ANKRD36B: variants seen among roughly 807,000 people sequenced by gnomAD.
ANKRD36B encodes the protein ankyrin repeat domain 36B, also known as ankyrin repeat domain-containing protein 36B.
ANKRD36B carries 37 observed loss-of-function variants against 135.7 expected under a neutral mutation model. The ratio of observed to expected loss-of-function variants is 0.27; its 90% CI spans 0.21 to 0.36. The LOEUF (loss-of-function observed/expected upper bound fraction) is 0.36, where lower values mean the gene tolerates loss of function less well. Ranked by LOEUF, ANKRD36B falls within the 10% of genes least tolerant of loss-of-function variation. ANKRD36B has a pLI of 1.00. For missense variants in ANKRD36B, 549 were observed against 1,037.1 expected (o/e 0.53, Z 6.46); for synonymous variants, 179 against 348.1 (o/e 0.51, Z 5.41).
chr2:97,579,137 G>A lies in ANKRD36B; in HGVS notation c.558-94C>T, dbSNP rs186570513. 9.3e-3 allele frequency: 11,936 copies of A among 1,287,548 alleles called. 113 individuals are homozygous for A. The highest frequency in any genetic ancestry group is 0.012 in the Non-Finnish European group (11,128 of 941,108). The allele number at this position is 1,287,548 out of a possible 1,614,324, so 79.8% of individuals were successfully genotyped here. A position where few individuals can be genotyped will look rare whatever the true frequency, so the allele number is the denominator to read the frequency against. ...ACTTAACATGTTGCCTGTCCATGTA[G>A]AATTAACCCAATTACATGTACTAAG... On this transcript the variant is annotated intron_variant, in intron 4 of 43. Coordinates refer to ENST00000359901, the MANE Select transcript of ANKRD36B (RefSeq NM_001393939.1).
Position 97,589,588 on chromosome 2 carries a change from A to G in ANKRD36B, c.98T>C (p.Leu33Pro). The change falls in exon 1 of 44, where the codon CTG (leucine) becomes CCG (proline). Residue 33 changes from leucine (L) to proline (P), a missense_variant. Coordinates refer to ENST00000359901, the MANE Select transcript of ANKRD36B (RefSeq NM_001393939.1). ...GAGCAGAAGGTACTTCAGTTTCTCCAGATTACCACGTAAGACAGCTCTGTG... is the reference window on the plus strand; with the variant it reads ...GAGCAGAAGGTACTTCAGTTTCTCCGGATTACCACGTAAGACAGCTCTGTG... ...RIHRAVLRGN[L>P]EKLKYLLLTY... 1 of 1,613,736 alleles carries G rather than the reference A, an allele frequency of 6.2e-7. No individual in the cohort carries two copies. The highest frequency in any genetic ancestry group is 8.5e-7 in the Non-Finnish European group (1 of 1,179,856).
intron 6 of ANKRD36B, among the ~76,000 whole-genome samples, chr2:97,562,240 A>G (rs2081090684): frequency 6.6e-6 from 1 of 151,844 alleles, no homozygotes; most frequent in Non-Finnish European, 1.5e-5. Flanking sequence ...CCAATATGAC[A>G]TAATACATAT....
chr2:97,537,954 T>C lies in ANKRD36B; in HGVS notation c.2089+214A>G, dbSNP rs2078972288. Among the ~76,000 whole-genome samples the C allele has an allele frequency of 4.1e-5, 4 of 96,436 alleles. 2 individuals carry two copies. Among genetic ancestry groups the C allele is most frequent in the Non-Finnish European group, 1.1e-4 (4 of 36,300 alleles). 63.3% of individuals were successfully genotyped at this position (96,436 alleles called of 152,430 possible). A position where few individuals can be genotyped will look rare whatever the true frequency, so the allele number is the denominator to read the frequency against. On this transcript the variant is annotated intron_variant, in intron 32 of 43. Transcript: ENST00000359901. ...GTTTTCCAACGGTTCTTCTACACAATTTCAATGTAGGGAAGTCTATAAGCT... is the reference window on the plus strand; with the variant it reads ...GTTTTCCAACGGTTCTTCTACACAACTTCAATGTAGGGAAGTCTATAAGCT...
At chr2:97,574,806 T>A (rs1347037234) in intron 6 of ANKRD36B, among the ~76,000 whole-genome samples, 1 of 151,988 alleles carries the variant, frequency 6.6e-6, no homozygotes, top group East Asian at 1.9e-4. Flanking sequence ...CCACAGTTTT[T>A]CTCACACATT....
intron 4 of ANKRD36B, among the ~76,000 whole-genome samples, chr2:97,579,646 A>G (rs1228239515): frequency 5.4e-5 from 2 of 37,354 alleles, no homozygotes; most frequent in Admixed American, 4.4e-4. Flanking sequence ...TATAATATAT[A>G]GTATATTATA....
At chr2:97,563,013 T>C (rs2081164118) in intron 6 of ANKRD36B, among the ~76,000 whole-genome samples, 2 of 151,992 alleles carry the variant, frequency 1.3e-5, no homozygotes, top group African/African-American at 4.8e-5. Flanking sequence ...CAGCAGACAG[T>C]ACTGAGCAAT....
At chr2:97,549,186 TC>T (rs1416199354) in intron 20 of ANKRD36B, among the ~76,000 whole-genome samples, 3 of 151,900 alleles carry the variant, frequency 2.0e-5, no homozygotes, top group Non-Finnish European at 2.9e-5. Flanking sequence ...CCATATATCT[TC>T]TTCCCAACTT....
chr2:97,564,152 C>G (rs1299978809), intron 6 of ANKRD36B, among the ~76,000 whole-genome samples: 1 of 151,194 alleles, frequency 6.6e-6, no homozygotes, highest in Non-Finnish European at 1.5e-5. Flanking sequence ...TGGGTGATTT[C>G]TTTTGCTTTT....
intron 6 of ANKRD36B, among the ~76,000 whole-genome samples, chr2:97,570,875 T>C (rs978340833): frequency 1.1e-4 from 17 of 152,164 alleles, no homozygotes; most frequent in African/African-American, 2.4e-5. Flanking sequence ...TTATATGAAA[T>C]TAGTTTTCTT....
intron 5 of ANKRD36B, among the ~76,000 whole-genome samples, chr2:97,577,358 T>C (rs909933397): frequency 8.1e-6 from 1 of 123,116 alleles, no homozygotes; most frequent in African/African-American, 3.0e-5. Context: ...CCAAGATACA[T>C]ACTAACAAAA....
chr2:97,580,807 G>T lies in ANKRD36B; in HGVS notation c.451-239C>A, dbSNP rs561110814. 5.2e-4 allele frequency among the ~76,000 whole-genome samples: 57 copies of T among 110,478 alleles called. 1 individual carries two copies. In the South Asian group the frequency reaches 0.02, roughly 39 times the overall value. 72.5% of individuals were successfully genotyped at this position (110,478 alleles called of 152,430 possible). A position where few individuals can be genotyped will look rare whatever the true frequency, so the allele number is the denominator to read the frequency against. ...CAAAACTCACTTCAAACATTTCCCAGTTCCAAGAATCTTTGCTTCTGTCCC... is the reference window on the plus strand; with the variant it reads ...CAAAACTCACTTCAAACATTTCCCATTTCCAAGAATCTTTGCTTCTGTCCC... On this transcript the variant is annotated intron_variant, in intron 3 of 43. Transcript: ENST00000359901.
chr2:97,563,200 T>C (rs1425505148), intron 6 of ANKRD36B, among the ~76,000 whole-genome samples: 5 of 151,914 alleles, frequency 3.3e-5, no homozygotes, highest in Non-Finnish European at 5.9e-5. Flanking sequence ...AGTCTCTCCT[T>C]GATGCACCAA....
At chr2:97,547,930 CTT>C (rs2079639925) in intron 20 of ANKRD36B, among the ~76,000 whole-genome samples, 199 bp from the exon 21 acceptor site, 1 of 151,868 alleles carries the variant, frequency 6.6e-6, no homozygotes, top group East Asian at 2.0e-4. Flanking sequence ...GAAAAATACT[CTT>C]ATAATTTCAA....
At chr2:97,573,235 A>G in intron 6 of ANKRD36B, among the ~76,000 whole-genome samples, 1 of 152,196 alleles carries the variant, frequency 6.6e-6, no homozygotes, top group East Asian at 1.9e-4. Context: ...CCTACAAAGG[A>G]CATGAACTCA....
chr2:97,566,742 C>T (rs371639028), intron 6 of ANKRD36B, among the ~76,000 whole-genome samples: 1 of 152,006 alleles, frequency 6.6e-6, no homozygotes, highest in Admixed American at 6.6e-5. Context: ...ACAGCAGTCC[C>T]CCTTATCTGC....
Position 97,545,524 on chromosome 2 carries a change from G to A in ANKRD36B, c.1681+142C>T, listed in dbSNP as rs561771333. 5.2e-5 allele frequency: 26 copies of A among 500,842 alleles called. 8 individuals carry two copies. The Admixed American group carries it at 6.1e-4, about 12-fold the overall frequency. The allele number at this position is 500,842 out of a possible 1,614,324, so 31.0% of individuals were successfully genotyped here. A position where few individuals can be genotyped will look rare whatever the true frequency, so the allele number is the denominator to read the frequency against. On this transcript the variant is annotated intron_variant, in intron 24 of 43. Coordinates refer to ENST00000359901, the MANE Select transcript of ANKRD36B (RefSeq NM_001393939.1). Reference sequence around the variant, plus strand: ...AAGGACCACAGCATCAGGGTCACCCGAGAACTTATTACAAATGAATAATCT... The same window carrying A: ...AAGGACCACAGCATCAGGGTCACCCAAGAACTTATTACAAATGAATAATCT...
intron 40 of ANKRD36B, among the ~76,000 whole-genome samples, chr2:97,508,313 A>ATT (rs2077401844): frequency 2.5e-5 from 2 of 80,164 alleles, no homozygotes; most frequent in South Asian, 5.6e-4. Flanking sequence ...TGCAGGGCCG[A>ATT]GTTATTGCAA....
chr2:97,580,514 C>A lies in ANKRD36B; in HGVS notation c.505G>T (p.Glu169Ter), dbSNP rs1222865517. The A allele has an allele frequency of 1.3e-6, 2 of 1,548,142 alleles. No individual in the cohort carries two copies. The highest frequency in any genetic ancestry group is 1.7e-6 in the Non-Finnish European group (2 of 1,144,682). The change falls in exon 4 of 44, where the codon GAA becomes TAA. Residue 169 changes from glutamate (E) to a stop codon, truncating the protein, a stop_gained. Transcript: ENST00000359901. LOFTEE classifies it high-confidence loss of function. ...TTTGCTTTTTTCTTTAATAAAAATT[C>A]CACCATTTTCACTTTTCTTCGACTC... is the stretch of plus-strand genomic sequence containing the variant. The part of the protein sequence containing the change: ...AVSRRKVKMV[E>*]FLLKKKANVN...
intron 6 of ANKRD36B, among the ~76,000 whole-genome samples, chr2:97,563,270 A>G (rs559390849): frequency 2.9e-4 from 44 of 152,054 alleles, no homozygotes; most frequent in African/African-American, 9.9e-4. Flanking sequence ...ATGAAAAATG[A>G]AGCACTGACA....
Sources: allele counts gnomAD v4.1 joint callset (sites outside exome capture counted in the v4.1 genomes callset), GRCh38; gene constraint gnomAD v4.1.1; transcripts MANE v1.5; gene names NCBI Gene and HGNC (gene_info 2026-07-23, HGNC 2026-07-21).